The following PEAK3 variants were observed in gnomAD, a reference collection of about 807,000 sequenced individuals.
PEAK3 encodes PEAK family member 3, also known as protein PEAK3.
A neutral mutation model predicts 13.3 loss-of-function variants in PEAK3; 15 were observed. The observed-to-expected ratio is 1.13, with a 90% CI of 0.75 to 1.73. The LOEUF (loss-of-function observed/expected upper bound fraction) is 1.73, where lower values mean the gene tolerates loss of function less well. Among genes scored for constraint, PEAK3 ranks in the 40% most tolerant of loss-of-function variants. The pLI, the probability that PEAK3 is intolerant of heterozygous loss-of-function variation, is 0.00. For synonymous variants in PEAK3, 347 were observed against 341.9 expected (o/e 1.01, Z -0.17); for missense variants, 739 against 690.2 (o/e 1.07, Z -0.79).
In PEAK3 at chr19:2,278,710, G is replaced by A. The variant is rs572267947; in HGVS notation, c.486C>T (p.Pro162=). 20 of 1,529,826 alleles carry A rather than the reference G, an allele frequency of 1.3e-5. No individual in the cohort carries two copies. The highest frequency in any genetic ancestry group is 1.0e-4 in the South Asian group (8 of 79,434). 94.8% of individuals were successfully genotyped at this position (1,529,826 alleles called of 1,614,324 possible). ...RLRARLMGGH[P]GPCHPGHSFR... is the part of the protein sequence containing the mutation. ...AGCTGTGGCCGGGGTGGCAGGGCCC[G>A]GGGTGGCCCCCCATGAGCCGGGCAC... Residue 162 remains proline (P), a synonymous_variant, in exon 3 of 4, where the codon CCC becomes CCT. Transcript: ENST00000342063.
Position 2,280,834 on chromosome 19 carries a change from C to T in PEAK3, c.82+16G>A. On this transcript the variant is annotated intron_variant, in intron 2 of 3. Transcript: ENST00000342063. ...CTGCACCCCCGCAGCCCAGGGCTCC[C>T]TGGGGAGCTGCTTACCAAGGTTGCT... is the stretch of plus-strand genomic sequence containing the variant. 6.2e-7 allele frequency: 1 copy of T among 1,603,524 alleles called. No homozygotes were observed. Among genetic ancestry groups the T allele is most frequent in the Non-Finnish European group, 8.5e-7 (1 of 1,175,308 alleles).
intron 3 of PEAK3, among the ~76,000 whole-genome samples, chr19:2,277,148 G>C (rs2025397738): frequency 6.6e-6 from 1 of 152,164 alleles, no homozygotes; most frequent in South Asian, 2.1e-4. Flanking sequence ...TAACTGCGTT[G>C]ATTCACGTGT....
Position 2,276,030 on chromosome 19 carries a change from C to G in PEAK3, c.1072G>C (p.Ala358Pro). 1 of 1,435,898 alleles carries G rather than the reference C, an allele frequency of 7.0e-7. No individual in the cohort carries two copies. Among genetic ancestry groups the G allele is most frequent in the Non-Finnish European group, 9.1e-7 (1 of 1,098,774 alleles). 88.9% of individuals were successfully genotyped at this position (1,435,898 alleles called of 1,614,324 possible). A position where few individuals can be genotyped will look rare whatever the true frequency, so the allele number is the denominator to read the frequency against. The change falls in exon 4 of 4, where the codon GCG becomes CCG. Residue 358 changes from alanine (A) to proline (P), a missense_variant. Transcript: ENST00000342063. ...HAPQLGSLLRALLSLAAPSTT... is the reference protein window; with the variant it reads ...HAPQLGSLLRPLLSLAAPSTT... ...GAGGGCGCAGCAAGGCTGAGCAGCG[C>G]TCGGAGGAGGCTGCCCAGCTGCGGC... is the stretch of plus-strand genomic sequence containing the variant.
chr19:2,275,774 T>C lies in PEAK3; in HGVS notation c.1328A>G (p.Glu443Gly). Reference protein sequence around the residue: ...LRLAERAAGGEAPSLEDWLCC... With the variant: ...LRLAERAAGGGAPSLEDWLCC... ...CAGCCAGTCCTCGAGGCTGGGAGCT[T>C]CCCCACCTGCGGCCCGCTCTGCTAG... The change falls in exon 4 of 4, where the codon GAA becomes GGA. Residue 443 changes from glutamate (E) to glycine (G), a missense_variant. By Grantham distance (98) the Glu-to-Gly change is moderately conservative (BLOSUM62 -2). Coordinates refer to ENST00000342063, the MANE Select transcript of PEAK3 (RefSeq NM_198532.3). The C allele has an allele frequency of 6.3e-7, 1 of 1,580,440 alleles. No homozygotes were observed. Among genetic ancestry groups the C allele is most frequent in the Admixed American group, 1.8e-5 (1 of 56,980 alleles).
At position 2,280,919 on chromosome 19, in the gene PEAK3, C is replaced by T; in HGVS notation, c.13G>A (p.Glu5Lys). The change falls in exon 2 of 4, where the codon GAG (glutamate) becomes AAG (lysine). Residue 5 changes from glutamate (E) to lysine (K), a missense_variant. Glu to Lys is a moderately conservative substitution (Grantham distance 56). Coordinates refer to ENST00000342063, the MANE Select transcript of PEAK3 (RefSeq NM_198532.3). ...GGCTCGGGGGGCTCTGTGGGGGGCT[C>T]CGGGCTGCTCATGTTGCTGGGGAAA... MSSP[E>K]PPTEPPEPDN... The T allele has an allele frequency of 6.4e-7, 1 of 1,567,126 alleles. No homozygotes were observed. Among genetic ancestry groups the T allele is most frequent in the Non-Finnish European group, 8.6e-7 (1 of 1,157,338 alleles).
In PEAK3 at chr19:2,279,105, G is replaced by A. The variant is rs2025419461; in HGVS notation, c.91C>T (p.Arg31Cys). ...QPTYSNLGQIRAHLLPSKACR... is the reference protein window; with the variant it reads ...QPTYSNLGQICAHLLPSKACR... ...GCCTTGGAGGGCAGCAGGTGGGCAC[G>A]GATCTGACCTGCAGGGAGAGACAGT... Residue 31 changes from arginine (R) to cysteine (C), a missense_variant, in exon 3 of 4, where the codon CGT (arginine) becomes TGT (cysteine). By Grantham distance (180) the Arg-to-Cys change is radical. Transcript: ENST00000342063. 10 of 1,446,624 alleles carry A rather than the reference G, an allele frequency of 6.9e-6. No homozygotes were observed. The highest frequency in any genetic ancestry group is 5.0e-5 in the East Asian group (2 of 40,132). The allele number at this position is 1,446,624 out of a possible 1,614,324, so 89.6% of individuals were successfully genotyped here.
At chr19:2,281,549 C>G (rs1248581560) in intron 1 of PEAK3, among the ~76,000 whole-genome samples, 1 of 106,590 alleles carries the variant, frequency 9.4e-6, no homozygotes, top group Non-Finnish European at 1.9e-5. Context: ...CTGTGTGATC[C>G]TGAGTGGGTT....
chr19:2,280,794 C>A (rs1031817279), intron 2 of PEAK3, 56 bp downstream of exon 2: 1 of 1,387,462 alleles, frequency 7.2e-7, no homozygotes, highest in Non-Finnish European at 9.7e-7. Context: ...GCTCCCTGCA[C>A]CCCCCTGCCG....
intron 3 of PEAK3, among the ~76,000 whole-genome samples, chr19:2,277,154 C>T (rs941470038): frequency 3.9e-5 from 6 of 152,154 alleles, no homozygotes; most frequent in African/African-American, 7.2e-5. Flanking sequence ...CGTTGATTCA[C>T]GTGTTAGTTG....
chr19:2,278,461 CCAGTATTTCTTTA>C, intron 3 of PEAK3, 110 bp downstream of exon 3: 1 of 1,171,332 alleles, frequency 8.5e-7, no homozygotes, highest in Non-Finnish European at 1.1e-6. Flanking sequence ...GCGCCCGGCT[CCAGTATTTCTTTA>C]CAGCAGTGTG....
chr19:2,276,883 G>C (rs575914248), intron 3 of PEAK3, among the ~76,000 whole-genome samples: 3 of 152,048 alleles, frequency 2.0e-5, no homozygotes, highest in Non-Finnish European at 4.4e-5. Flanking sequence ...GCGTGGTGGC[G>C]CGCCTGTCAT....
intron 3 of PEAK3, among the ~76,000 whole-genome samples, chr19:2,276,825 C>T (rs2025394959): frequency 6.6e-6 from 1 of 152,058 alleles, no homozygotes; most frequent in Non-Finnish European, 1.5e-5. Context: ...ACCAGCCTGG[C>T]CAACGCAGGG....
Position 2,278,829 on chromosome 19 carries a change from G to C in PEAK3, c.367C>G (p.Leu123Val). Residue 123 changes from leucine (L) to valine (V), a missense_variant, in exon 3 of 4, where the codon CTC (leucine) becomes GTC (valine). Physicochemically the swap from Leu to Val is conservative, Grantham distance 32. Transcript: ENST00000342063. ...TFGPADAPLG[L>V]SLRDLHSPEA... Reference sequence around the variant, plus strand: ...GGGCTGTGCAGATCGCGGAGGGAGAGGCCCAGTGGGGCGTCAGCCGGGCCA... The same window carrying C: ...GGGCTGTGCAGATCGCGGAGGGAGACGCCCAGTGGGGCGTCAGCCGGGCCA... 6.3e-7 allele frequency: 1 copy of C among 1,595,978 alleles called. No homozygotes were observed. Among genetic ancestry groups the C allele is most frequent in the Non-Finnish European group, 8.5e-7 (1 of 1,171,720 alleles).
At chr19:2,278,188 G>A (rs1199850544) in intron 3 of PEAK3, among the ~76,000 whole-genome samples, 35 of 143,614 alleles carry the variant, frequency 2.4e-4, no homozygotes, top group Admixed American at 2.1e-4. Context: ...TTTTTGAGAC[G>A]GAGTCTCACT....
At chr19:2,277,361 T>TAGCA (rs2025399602) in intron 3 of PEAK3, among the ~76,000 whole-genome samples, 1 of 151,796 alleles carries the variant, frequency 6.6e-6, no homozygotes, top group Non-Finnish European at 1.5e-5. Context: ...TAAAGGTGAG[T>TAGCA]AGCACCTCCT....
intron 3 of PEAK3, 99 bp from the exon 4 acceptor site, chr19:2,276,588 C>G (rs1290365956): frequency 9.7e-7 from 1 of 1,026,726 alleles, no homozygotes; most frequent in Admixed American, 3.0e-5. Flanking sequence ...ACGCACACCC[C>G]CAAACTGCCC....
chr19:2,276,061 G>A lies in PEAK3; in HGVS notation c.1041C>T (p.Pro347=), dbSNP rs1244983985. 6 of 1,452,796 alleles carry A rather than the reference G, an allele frequency of 4.1e-6. No individual in the cohort carries two copies. Among genetic ancestry groups the A allele is most frequent in the Non-Finnish European group, 4.5e-6 (5 of 1,103,500 alleles). 90.0% of individuals were successfully genotyped at this position (1,452,796 alleles called of 1,614,324 possible). ...QPPGPPGSPG[P]HAPQLGSLLR... Reference sequence around the variant, plus strand: ...GGAGGCTGCCCAGCTGCGGCGCGTGGGGGCCCGGGGATCCCGGGGGTCCAG... The same window carrying A: ...GGAGGCTGCCCAGCTGCGGCGCGTGAGGGCCCGGGGATCCCGGGGGTCCAG... Residue 347 remains proline (P), a synonymous_variant, in exon 4 of 4, where the codon CCC becomes CCT. Coordinates refer to ENST00000342063, the MANE Select transcript of PEAK3 (RefSeq NM_198532.3).
At chr19:2,278,286 T>C (rs2025408615) in intron 3 of PEAK3, among the ~76,000 whole-genome samples, 1 of 151,920 alleles carries the variant, frequency 6.6e-6, no homozygotes, top group Non-Finnish European at 1.5e-5. Flanking sequence ...TGCCTCAGTC[T>C]CCCAAGTAGC....
rs1372760591 is a variant in PEAK3, at chr19:2,275,673, G to GTTGGGGTCAGTCCCA, written c.1414_*6dup. On this transcript the variant is annotated 3_prime_UTR_variant, in exon 4 of 4. Transcript: ENST00000342063. ...CCTGGACCAGGTGTGTTCGCCCTGG[G>GTTGGGGTCAGTCCCA]TTGGGGTCAGTCCCACAGCAGCGCC... The GTTGGGGTCAGTCCCA allele has an allele frequency of 6.9e-7, 1 of 1,459,212 alleles. No homozygotes were observed. The highest frequency in any genetic ancestry group is 1.4e-5 in the South Asian group (1 of 69,352). 90.4% of individuals were successfully genotyped at this position (1,459,212 alleles called of 1,614,324 possible). A position where few individuals can be genotyped will look rare whatever the true frequency, so the allele number is the denominator to read the frequency against.
Sources: gnomAD v4.1 joint callset for allele counts (sites outside exome capture counted in the v4.1 genomes callset) on GRCh38, gnomAD v4.1.1 for gene constraint, MANE v1.5 for transcripts, NCBI Gene and HGNC (gene_info 2026-07-23, HGNC 2026-07-21) for gene names.